The following SYT13 variants were observed in gnomAD, a reference collection of about 807,000 sequenced individuals.
SYT13 encodes the protein synaptotagmin-13.
SYT13 carries 21 observed loss-of-function variants against 38.6 expected under a neutral mutation model. The ratio of observed to expected loss-of-function variants is 0.54; its 90% CI spans 0.39 to 0.78. SYT13 has a LOEUF of 0.78. Ranked by LOEUF, SYT13 falls within the 30% of genes least tolerant of loss-of-function variation. The pLI, the probability that SYT13 is intolerant of heterozygous loss-of-function variation, is 0.00. For missense variants in SYT13, 495 were observed against 548.7 expected (o/e 0.90, Z 0.98); for synonymous variants, 241 against 237.6 (o/e 1.01, Z -0.13).
intron 1 of SYT13, among the ~76,000 whole-genome samples, chr11:45,262,603 G>T (rs574106165): frequency 7.5e-4 from 114 of 152,038 alleles, no homozygotes; most frequent in African/African-American, 2.6e-3. Context: ...GTGCACGCCT[G>T]TAGTCCCAGC....
Position 45,255,999 on chromosome 11 carries a change from A to G in SYT13, c.184-108T>C, listed in dbSNP as rs889228175. On this transcript the variant is annotated intron_variant, in intron 1 of 5. Transcript: ENST00000020926. ...GACCTGTTGTAGGATGCAGAGGGAGAGTTGTGGTTTCATTCTGCTCTGAAG... is the reference window on the plus strand; with the variant it reads ...GACCTGTTGTAGGATGCAGAGGGAGGGTTGTGGTTTCATTCTGCTCTGAAG... The G allele has an allele frequency of 5.9e-6, 7 of 1,180,040 alleles. No individual in the cohort carries two copies. In the African/African-American group the frequency reaches 1.1e-4, roughly 18 times the overall value. 73.1% of individuals were successfully genotyped at this position (1,180,040 alleles called of 1,614,324 possible). A position where few individuals can be genotyped will look rare whatever the true frequency, so the allele number is the denominator to read the frequency against.
At chr11:45,271,235 A>G (rs1292363362) in intron 1 of SYT13, among the ~76,000 whole-genome samples, 1 of 152,218 alleles carries the variant, frequency 6.6e-6, no homozygotes, top group Admixed American at 6.5e-5. Context: ...GATGAAAGAC[A>G]TTTGCTATTT....
At position 45,243,799 on chromosome 11, in the gene SYT13, A is replaced by G; in HGVS notation, c.*253T>C. On this transcript the variant is annotated 3_prime_UTR_variant, in exon 6 of 6. Coordinates refer to ENST00000020926, the MANE Select transcript of SYT13 (RefSeq NM_020826.3). The stretch of plus-strand genomic sequence containing the variant: ...ACCCCACCTATAAAACAGGCATAGG[A>G]ACTGTATTTAATAAGCACCTCCTTC... 1 of 467,092 alleles carries G rather than the reference A, an allele frequency of 2.1e-6. No individual in the cohort carries two copies. The highest frequency in any genetic ancestry group is 3.4e-5 in the East Asian group (1 of 29,236). The allele number at this position is 467,092 out of a possible 1,614,324, so 28.9% of individuals were successfully genotyped here.
chr11:45,263,920 A>G (rs1854849767), intron 1 of SYT13, among the ~76,000 whole-genome samples: 1 of 152,166 alleles, frequency 6.6e-6, no homozygotes, highest in Non-Finnish European at 1.5e-5. Flanking sequence ...ATTGAGGCTT[A>G]GATAAGATAA....
chr11:45,254,676 C>A (rs754763990), intron 2 of SYT13: 33 of 350,818 alleles, frequency 9.4e-5, no homozygotes, highest in Non-Finnish European at 1.3e-4. Context: ...TTTTGTCTTT[C>A]TAAAACGCCT....
intron 1 of SYT13, 63 bp downstream of exon 1, chr11:45,285,962 C>T (rs1282459614): frequency 1.3e-6 from 2 of 1,559,454 alleles, no homozygotes; most frequent in African/African-American, 2.7e-5. Flanking sequence ...CCCAGTTCCC[C>T]CTCTGCAGCT....
intron 1 of SYT13, among the ~76,000 whole-genome samples, chr11:45,278,024 A>G (rs890367902): frequency 6.6e-6 from 1 of 152,170 alleles, no homozygotes; most frequent in Admixed American, 6.5e-5. Flanking sequence ...AATAAACACA[A>G]CCAAGGAAGA....
chr11:45,245,850 T>C (rs904059392), intron 5 of SYT13, among the ~76,000 whole-genome samples: 9 of 152,024 alleles, frequency 5.9e-5, no homozygotes, highest in African/African-American at 2.2e-4. Flanking sequence ...ACTCAGCTGG[T>C]GTGAGGGTGG....
Position 45,255,859 on chromosome 11 carries a change from C to A in SYT13, c.216G>T (p.Gln72His), listed in dbSNP as rs559079794. 6.2e-7 allele frequency: 1 copy of A among 1,614,186 alleles called. No homozygotes were observed. Among genetic ancestry groups the A allele is most frequent in the Admixed American group, 1.7e-5 (1 of 60,026 alleles). The change falls in exon 2 of 6, where the codon CAG (glutamine) becomes CAT (histidine). Residue 72 changes from glutamine (Q) to histidine (H), a missense_variant. By Grantham distance (24) the Gln-to-His change is conservative (BLOSUM62 0). Transcript: ENST00000020926. ...CTGGGAACTTGAGGAGGGCACGGGG[C>A]TGAACAGGTTCCGTGGACTTTTTAA... Reference protein sequence around the residue: ...FNVKKSTEPVQPRALLKFPDI... With the variant: ...FNVKKSTEPVHPRALLKFPDI...
At chr11:45,269,098 GGT>G (rs2135903848) in intron 1 of SYT13, among the ~76,000 whole-genome samples, 1 of 152,222 alleles carries the variant, frequency 6.6e-6, no homozygotes, top group South Asian at 2.1e-4. Flanking sequence ...AGCTGCAGGA[GGT>G]TTCATAGAGA....
chr11:45,275,960 C>T (rs1368926828), intron 1 of SYT13, among the ~76,000 whole-genome samples: 1 of 152,198 alleles, frequency 6.6e-6, no homozygotes, highest in Non-Finnish European at 1.5e-5. Flanking sequence ...CACTCCATTC[C>T]TCTCACGAGA....
chr11:45,272,515 G>C (rs1477407116), intron 1 of SYT13, among the ~76,000 whole-genome samples: 1 of 152,156 alleles, frequency 6.6e-6, no homozygotes, highest in Non-Finnish European at 1.5e-5. Context: ...TCTTCCACCA[G>C]CTGACATTTT....
At chr11:45,279,600 A>G (rs1855048658) in intron 1 of SYT13, among the ~76,000 whole-genome samples, 2 of 152,206 alleles carry the variant, frequency 1.3e-5, no homozygotes, top group South Asian at 4.1e-4. Context: ...AAACATTTTA[A>G]TATGGTTAAA....
rs1345207178 is a variant in SYT13 at position 45,252,879 on chromosome 11, G to A, written c.545-157C>T. Among the ~76,000 whole-genome samples the A allele has an allele frequency of 3.3e-5, 5 of 152,214 alleles. No homozygotes were observed. The East Asian group carries it at 9.6e-4, about 29-fold the overall frequency. ...CTGGGCACCAGGGAATCGCCTTTCA[G>A]TGAGACATTTAGAAATAGATCATTT... On this transcript the variant is annotated intron_variant, in intron 3 of 5. Transcript: ENST00000020926. The surrounding 1 kb of genome is among the most constrained non-coding windows in gnomAD (Gnocchi z 4.3).
At chr11:45,255,609 T>C (rs969852289) in intron 2 of SYT13, 57 bp downstream of exon 2, 2 of 1,533,846 alleles carry the variant, frequency 1.3e-6, no homozygotes, top group Non-Finnish European at 1.8e-6. Context: ...TACAGAGACA[T>C]TGACAAGCCC....
At chr11:45,269,005 A>G (rs1854917542) in intron 1 of SYT13, among the ~76,000 whole-genome samples, 1 of 152,146 alleles carries the variant, frequency 6.6e-6, no homozygotes, top group South Asian at 2.1e-4. Context: ...AGAACAGTAA[A>G]ACACCAGGCA....
intron 5 of SYT13, 136 bp downstream of exon 5, chr11:45,246,247 T>A: frequency 7.7e-7 from 1 of 1,292,410 alleles, no homozygotes; most frequent in Non-Finnish European, 1.1e-6. Context: ...AGAACACCGC[T>A]GAGCATGGCT....
intron 5 of SYT13, among the ~76,000 whole-genome samples, chr11:45,245,785 G>A (rs114417043): frequency 6.6e-6 from 1 of 152,142 alleles, no homozygotes; most frequent in African/African-American, 2.4e-5. Context: ...GGGCACAGAC[G>A]CCTGAAGCCT....
intron 1 of SYT13, among the ~76,000 whole-genome samples, chr11:45,277,949 T>C (rs185800895): frequency 2.4e-4 from 37 of 152,328 alleles, no homozygotes; most frequent in African/African-American, 8.9e-4. Flanking sequence ...CACTGTGTCA[T>C]TGGGAAGAGG....
Sources: allele counts gnomAD v4.1 joint callset (sites outside exome capture counted in the v4.1 genomes callset), GRCh38; gene constraint gnomAD v4.1.1; non-coding constraint Gnocchi (gnomAD v3.1); transcripts MANE v1.5; gene names NCBI Gene and HGNC (gene_info 2026-07-23, HGNC 2026-07-21).